FAM13A: variants seen among roughly 807,000 people sequenced by gnomAD.
The protein encoded by FAM13A is protein FAM13A.
In FAM13A, 76 loss-of-function variants were observed where a neutral mutation model predicts 129.6. The observed-to-expected ratio is 0.59, with a 90% CI of 0.49 to 0.71. The LOEUF is 0.71. Ranked by LOEUF, FAM13A falls within the 30% of genes least tolerant of loss-of-function variation. FAM13A has a pLI of 0.00. For synonymous variants in FAM13A, 443 were observed against 449.9 expected (o/e 0.98, Z 0.20); for missense variants, 1,108 against 1,249.3 (o/e 0.89, Z 1.70).
chr4:88,786,995 T>C (rs1190984850), intron 10 of FAM13A, among the ~76,000 whole-genome samples: 1 of 152,082 alleles, frequency 6.6e-6, no homozygotes, highest in African/African-American at 2.4e-5. Flanking sequence ...CTAAAGGCCA[T>C]AGTCAATAAA....
chr4:88,992,901 A>T (rs1763084953), intron 3 of FAM13A, among the ~76,000 whole-genome samples: 1 of 144,570 alleles, frequency 6.9e-6, no homozygotes, highest in Non-Finnish European at 1.5e-5. Flanking sequence ...TGCCTACATA[A>T]GTCAGCTTTA....
At chr4:88,783,333 T>C (rs2149631317) in intron 10 of FAM13A, among the ~76,000 whole-genome samples, 1 of 152,274 alleles carries the variant, frequency 6.6e-6, no homozygotes, top group African/African-American at 2.4e-5. Context: ...AGAGTCTTGC[T>C]CTGTCGCCCA....
intron 7 of FAM13A, among the ~76,000 whole-genome samples, chr4:88,822,663 T>C (rs1257979353): frequency 2.0e-5 from 3 of 152,220 alleles, no homozygotes; most frequent in African/African-American, 7.2e-5. Context: ...GTTTTTATTA[T>C]AAACTCGCTC....
intron 12 of FAM13A, 148 bp from the exon 13 acceptor site, chr4:88,767,743 A>G (rs910799461): frequency 5.5e-6 from 4 of 731,462 alleles, no homozygotes; most frequent in Non-Finnish European, 8.6e-6. Context: ...AACACAAAAC[A>G]AAAAATTAAT....
chr4:88,810,189 G>A (rs989327996), intron 7 of FAM13A, among the ~76,000 whole-genome samples: 10 of 151,998 alleles, frequency 6.6e-5, no homozygotes, highest in Admixed American at 6.6e-5. Flanking sequence ...AAAACAAATA[G>A]ACAAAAAGAC....
intron 1 of FAM13A, among the ~76,000 whole-genome samples, chr4:89,035,486 A>AGGAGG (rs538208309): frequency 1.4e-5 from 2 of 146,786 alleles, no homozygotes; most frequent in East Asian, 2.2e-4. Context: ...AAAGGAAGGA[A>AGGAGG]GGAGGGGAGG....
chr4:88,963,499 T>C (rs1162711367), intron 4 of FAM13A, among the ~76,000 whole-genome samples: 1 of 152,128 alleles, frequency 6.6e-6, no homozygotes, highest in Non-Finnish European at 1.5e-5. Context: ...GGTTTCATCA[T>C]GTAGGCCGGG....
intron 8 of FAM13A, among the ~76,000 whole-genome samples, chr4:88,803,421 T>C (rs1027917852): frequency 6.6e-6 from 1 of 152,212 alleles, no homozygotes; most frequent in East Asian, 1.9e-4. Context: ...TCTTTTACTG[T>C]ATTTTCTTGT....
Position 88,945,836 on chromosome 4 carries a change from A to ATG in FAM13A, c.606-7597_606-7596dup, listed in dbSNP as rs552740338. Among the ~76,000 whole-genome samples, 1,097 of 138,780 alleles carry ATG rather than the reference A, an allele frequency of 7.9e-3. 12 individuals carry two copies. Among genetic ancestry groups the ATG allele is most frequent in the Middle Eastern group, 0.015 (4 of 266 alleles). The allele number at this position is 138,780 out of a possible 152,430, so 91.0% of individuals were successfully genotyped here. ...TATATATATATATACTACATATTCT[A>ATG]TGTGTGTGTGTGTATATATATATAC... On this transcript the variant is annotated intron_variant, in intron 4 of 23. Transcript: ENST00000264344.
chr4:88,931,289 G>A lies in FAM13A; in HGVS notation c.759+6799C>T, dbSNP rs533263958. 2.6e-5 allele frequency among the ~76,000 whole-genome samples: 4 copies of A among 152,264 alleles called. No individual in the cohort carries two copies. The East Asian group carries it at 7.7e-4, about 29-fold the overall frequency. On this transcript the variant is annotated intron_variant, in intron 5 of 23. Coordinates refer to ENST00000264344, the MANE Select transcript of FAM13A (RefSeq NM_014883.4). ...GCTGCTCTAGGCTTGGATGCCTGTG[G>A]GATTCTGTGTGGGTTCCCTTTCTGG...
At chr4:88,739,711 C>G (rs748496979) in intron 19 of FAM13A, among the ~76,000 whole-genome samples, 6 of 139,166 alleles carry the variant, frequency 4.3e-5, no homozygotes, top group Non-Finnish European at 6.0e-5. Context: ...CGCTTGAACA[C>G]AGGAGGCGGA....
chr4:88,829,482 A>T (rs932569390), intron 7 of FAM13A, among the ~76,000 whole-genome samples: 1 of 152,196 alleles, frequency 6.6e-6, no homozygotes, highest in African/African-American at 2.4e-5. Flanking sequence ...AAACACACTA[A>T]GGAGCAATGC....
chr4:88,762,657 A>G (rs1039963446), intron 13 of FAM13A, among the ~76,000 whole-genome samples: 11 of 152,072 alleles, frequency 7.2e-5, no homozygotes, highest in Non-Finnish European at 1.5e-4. Flanking sequence ...CTCCATAAAC[A>G]CTAGCATAAA....
chr4:88,813,190 T>C (rs1730009409), intron 7 of FAM13A, among the ~76,000 whole-genome samples: 2 of 152,342 alleles, frequency 1.3e-5, no homozygotes, highest in East Asian at 3.9e-4. Context: ...ACACTATATC[T>C]GTTTGTTCTG....
chr4:88,732,309 TGTA>T, intron 21 of FAM13A, 111 bp from the exon 22 acceptor site: 1 of 733,116 alleles, frequency 1.4e-6, no homozygotes, highest in Non-Finnish European at 2.2e-6. Flanking sequence ...TAGTTTCTTC[TGTA>T]TCTACATTTA....
intron 6 of FAM13A, among the ~76,000 whole-genome samples, chr4:88,901,073 C>A (rs1747221055): frequency 6.6e-6 from 1 of 152,110 alleles, no homozygotes. Context: ...GAAAATGGTT[C>A]AAGTCAACAA....
intron 6 of FAM13A, among the ~76,000 whole-genome samples, chr4:88,893,362 C>T (rs1025080717): frequency 6.6e-6 from 1 of 152,192 alleles, no homozygotes; most frequent in Non-Finnish European, 1.5e-5. Context: ...CAGTGGCTCA[C>T]GCCTTTAATC....
chr4:88,998,902 T>G (rs184261357), intron 3 of FAM13A, among the ~76,000 whole-genome samples: 1 of 152,314 alleles, frequency 6.6e-6, no homozygotes, highest in East Asian at 1.9e-4. Flanking sequence ...TACAACCTCA[T>G]GACCATGATA....
intron 1 of FAM13A, among the ~76,000 whole-genome samples, chr4:89,030,210 A>C (rs922210664): frequency 1.3e-5 from 2 of 152,182 alleles, no homozygotes; most frequent in African/African-American, 2.4e-5. Flanking sequence ...ACTGAGGTTC[A>C]AAATGCCCTC....
Sources: allele counts gnomAD v4.1 joint callset (sites outside exome capture counted in the v4.1 genomes callset), GRCh38; gene constraint gnomAD v4.1.1; transcripts MANE v1.5; gene names NCBI Gene and HGNC (gene_info 2026-07-23, HGNC 2026-07-21).